The following ADCK5 variants were observed in gnomAD, a reference collection of about 807,000 sequenced individuals.
The protein encoded by ADCK5 is uncharacterized aarF domain-containing protein kinase 5.
A neutral mutation model predicts 64.9 loss-of-function variants in ADCK5; 43 were observed. That is an observed-to-expected ratio of 0.66 (90% CI 0.52 to 0.85). The LOEUF (loss-of-function observed/expected upper bound fraction) is 0.85, where lower values mean the gene tolerates loss of function less well. Ranked by LOEUF, ADCK5 falls within the 40% of genes least tolerant of loss-of-function variation. The pLI, the probability that ADCK5 is intolerant of heterozygous loss-of-function variation, is 0.00. For missense variants in ADCK5, 760 were observed against 810.5 expected, an observed-to-expected ratio of 0.94 and a Z score of 0.76; for synonymous variants, 434 against 342.8, an observed-to-expected ratio of 1.27 and a Z score of -2.94.
chr8:144,390,521 C>A, intron 3 of ADCK5, 150 bp from the exon 4 acceptor site: 4 of 807,900 alleles, frequency 5.0e-6, no homozygotes, highest in South Asian at 1.5e-5. Context: ...CAGGCCTACG[C>A]GGCTGTAGGC....
At chr8:144,383,848 A>G (rs1333792692) in intron 3 of ADCK5, among the ~76,000 whole-genome samples, 2 of 150,276 alleles carry the variant, frequency 1.3e-5, no homozygotes, top group Non-Finnish European at 2.9e-5. Context: ...TGGTGGAACC[A>G]GCTCTTGGCT....
In ADCK5 at chr8:144,391,629, G is replaced by T. The variant is rs201101725; in HGVS notation, c.848G>T (p.Arg283Leu). Reference protein sequence around the residue: ...AQELDFENEGRNAERCARELA... With the variant: ...AQELDFENEGLNAERCARELA... Reference sequence around the variant, plus strand: ...GAGCTGGACTTCGAGAATGAGGGCCGCAACGCAGAGCGCTGTGCGCGGGAG... The same window carrying T: ...GAGCTGGACTTCGAGAATGAGGGCCTCAACGCAGAGCGCTGTGCGCGGGAG... The change falls in exon 8 of 15, where the codon CGC becomes CTC. Residue 283 changes from arginine (R) to leucine (L), a missense_variant. Physicochemically the swap from Arg to Leu is moderately radical, Grantham distance 102. Coordinates refer to ENST00000308860, the MANE Select transcript of ADCK5 (RefSeq NM_174922.5). 6.4e-7 allele frequency: 1 copy of T among 1,559,972 alleles called. No individual in the cohort carries two copies. The highest frequency in any genetic ancestry group is 1.9e-5 in the Admixed American group (1 of 53,034).
Position 144,384,087 on chromosome 8 carries a change from G to T in ADCK5, c.266+857G>T, listed in dbSNP as rs1353099896. On this transcript the variant is annotated intron_variant, in intron 3 of 14. Transcript: ENST00000308860. This position sits in a 1 kb window ranked among gnomAD's most constrained non-coding sequence, Gnocchi z 5.7. ...ATTTATTTATTTATTTATTTATTTA[G>T]TATTTTTAGTAGAAACGGGGTTTCA... 6.6e-6 allele frequency among the ~76,000 whole-genome samples: 1 copy of T among 151,310 alleles called. No individual in the cohort carries two copies. The highest frequency in any genetic ancestry group is 2.4e-5 in the African/African-American group (1 of 40,952).
chr8:144,386,766 C>T (rs965936143), intron 3 of ADCK5, among the ~76,000 whole-genome samples: 4 of 152,232 alleles, frequency 2.6e-5, no homozygotes, highest in Non-Finnish European at 5.9e-5. Flanking sequence ...CCTCCCGCTC[C>T]CATCCCCGTG....
intron 1 of ADCK5, among the ~76,000 whole-genome samples, chr8:144,374,776 C>T (rs1053499656): frequency 2.0e-5 from 3 of 152,122 alleles, no homozygotes; most frequent in Non-Finnish European, 4.4e-5. Context: ...GCCCCTGCGT[C>T]GTCTCAGGGG....
chr8:144,383,275 G>C (rs539604921), intron 3 of ADCK5, 45 bp downstream of exon 3: 1 of 1,510,656 alleles, frequency 6.6e-7, no homozygotes, highest in African/African-American at 1.4e-5. Context: ...GTGGCGGGCG[G>C]GGTGTGTGCG....
At chr8:144,383,307 A>G in intron 3 of ADCK5, 77 bp downstream of exon 3, 1 of 1,451,572 alleles carries the variant, frequency 6.9e-7, no homozygotes, top group Non-Finnish European at 9.1e-7. Context: ...CCTGCTCCAG[A>G]TGCCTTCACA....
At chr8:144,379,009 C>G (rs1254678093) in intron 1 of ADCK5, among the ~76,000 whole-genome samples, 9 of 151,436 alleles carry the variant, frequency 5.9e-5, no homozygotes, top group African/African-American at 1.9e-4. Flanking sequence ...TTTCAGCTCA[C>G]TGCAACCTCT....
intron 1 of ADCK5, among the ~76,000 whole-genome samples, chr8:144,378,018 G>A (rs73717819): frequency 0.051 from 7,763 of 152,264 alleles, 611 homozygotes; most frequent in African/African-American, 0.17. Context: ...GCCAGATGGT[G>A]ATGCCATCTC....
intron 3 of ADCK5, among the ~76,000 whole-genome samples, chr8:144,386,903 G>A (rs1819948609): frequency 6.6e-6 from 1 of 152,254 alleles, no homozygotes; most frequent in Admixed American, 6.5e-5. Flanking sequence ...ACAAAGGTCA[G>A]TCCTCTGTTT....
chr8:144,378,028 C>T (rs1819442919), intron 1 of ADCK5, among the ~76,000 whole-genome samples: 2 of 152,214 alleles, frequency 1.3e-5, no homozygotes, highest in African/African-American at 2.4e-5. Context: ...GATGCCATCT[C>T]TTCCTGCAGA....
At chr8:144,391,887 G>A (rs1554860815) in intron 9 of ADCK5, 21 bp downstream of exon 9, 1 of 1,599,746 alleles carries the variant, frequency 6.3e-7, no homozygotes. Context: ...GGGGGCGGGG[G>A]CGGGTCAGGG....
In ADCK5 at chr8:144,383,072, T is replaced by A. The variant is rs1554858608; in HGVS notation, c.117-9T>A. Reference sequence around the variant, plus strand: ...GGCGGCGCCTCCAGGCTGCATTGTCTCTCCTCAGGTTCTCCAGCCCCACAC... The same window carrying A: ...GGCGGCGCCTCCAGGCTGCATTGTCACTCCTCAGGTTCTCCAGCCCCACAC... On this transcript the variant is annotated splice_polypyrimidine_tract_variant and intron_variant, in intron 2 of 14. Transcript: ENST00000308860. 5.0e-6 allele frequency: 8 copies of A among 1,585,138 alleles called. No homozygotes were observed. In the South Asian group the frequency reaches 9.2e-5, roughly 18 times the overall value.
In ADCK5 at chr8:144,391,995, A is replaced by G; in HGVS notation, c.1069A>G (p.Ile357Val). ...FAEQIFYTGFIHSDPHPGNVL... is the reference protein window; with the variant it reads ...FAEQIFYTGFVHSDPHPGNVL... ...TGAGCAGATATTTTACACCGGCTTC[A>G]TCCACTCGGACCCACATCCTGGCAA... Residue 357 changes from isoleucine to valine, a missense_variant, in exon 10 of 15, where the codon ATC (isoleucine) becomes GTC (valine). Physicochemically the swap from Ile to Val is conservative, Grantham distance 29. Around this residue, in one of 2 missense-constraint regions of ADCK5, gnomAD observed 427 missense variants for 518.4 expected, o/e 0.82. Transcript: ENST00000308860. The G allele has an allele frequency of 6.2e-7, 1 of 1,612,678 alleles. No individual in the cohort carries two copies. The highest frequency in any genetic ancestry group is 1.7e-5 in the Admixed American group (1 of 60,016).
intron 2 of ADCK5, among the ~76,000 whole-genome samples, chr8:144,382,349 G>A (rs1345997621): frequency 6.6e-6 from 1 of 152,248 alleles, no homozygotes; most frequent in African/African-American, 2.4e-5. Flanking sequence ...GTTTCCTGCT[G>A]GTTTCAGCAT....
intron 7 of ADCK5, 40 bp from the exon 8 acceptor site, chr8:144,391,540 G>A: frequency 1.3e-6 from 2 of 1,583,720 alleles, no homozygotes; most frequent in Non-Finnish European, 8.5e-7. Context: ...AGGAGCAGCT[G>A]GTAGGCAGAG....
chr8:144,377,161 TG>T (rs1819398713), intron 1 of ADCK5, among the ~76,000 whole-genome samples: 1 of 152,216 alleles, frequency 6.6e-6, no homozygotes, highest in South Asian at 2.1e-4. Flanking sequence ...AGCTCTCAGT[TG>T]GGGAATTTGG....
Position 144,390,869 on chromosome 8 carries a change from A to ACTT in ADCK5, c.357_359dup (p.Tyr119_Leu120insPhe). ...GCCTGTGGTCAGAACAGCCCAGGCT[A>ACTT]CTTGGAGGTGATGTCTGCGTGTCAC... On this transcript the variant is annotated inframe_insertion, in exon 5 of 15. Transcript: ENST00000308860. 6.2e-7 allele frequency: 1 copy of ACTT among 1,612,960 alleles called. No individual in the cohort carries two copies. The highest frequency in any genetic ancestry group is 8.5e-7 in the Non-Finnish European group (1 of 1,179,950).
Position 144,383,050 on chromosome 8 carries a change from G to A in ADCK5, c.117-31G>A, listed in dbSNP as rs782348677. The A allele has an allele frequency of 5.0e-5, 79 of 1,572,584 alleles. 1 individual carries two copies. The highest frequency in any genetic ancestry group is 4.1e-5 in the African/African-American group (3 of 74,004). On this transcript the variant is annotated intron_variant, in intron 2 of 14. Transcript: ENST00000308860. ...CAGAGCCCAGCTGAATGTGGGGGGC[G>A]GCGCCTCCAGGCTGCATTGTCTCTC...
Sources: allele counts gnomAD v4.1 joint callset (sites outside exome capture counted in the v4.1 genomes callset), GRCh38; gene constraint gnomAD v4.1.1; regional missense constraint gnomAD v4.1.1; non-coding constraint Gnocchi (gnomAD v3.1); transcripts MANE v1.5; gene names NCBI Gene and HGNC (gene_info 2026-07-23, HGNC 2026-07-21).